The following DLGAP4 variants were observed in gnomAD, a reference collection of about 807,000 sequenced individuals.
DLGAP4 encodes the protein disks large-associated protein 4.
DLGAP4 carries 18 observed loss-of-function variants against 86.9 expected under a neutral mutation model. The observed-to-expected ratio is 0.21, with a 90% CI of 0.14 to 0.31. The LOEUF (loss-of-function observed/expected upper bound fraction) is 0.31, where lower values mean the gene tolerates loss of function less well. Among genes scored for constraint, DLGAP4 ranks in the 10% least tolerant of loss-of-function variants. The pLI is 1.00. For synonymous variants in DLGAP4, 548 were observed against 574.3 expected (o/e 0.95, Z 0.65); for missense variants, 1,085 against 1,362.6 (o/e 0.80, Z 3.21).
In DLGAP4 at chr20:36,431,901, A is replaced by C; in HGVS notation, c.184A>C (p.Asn62His). Residue 62 changes from asparagine to histidine, a missense_variant, in exon 3 of 13, where the codon AAC becomes CAC. By Grantham distance (68) the Asn-to-His change is moderately conservative. This residue lies in a region of DLGAP4 where 1,082 missense variants were observed against 1,344.1 expected (regional missense o/e 0.81). Coordinates refer to ENST00000339266, the MANE Select transcript of DLGAP4 (RefSeq NM_001365621.2). This position sits in a 1 kb window ranked among gnomAD's most constrained non-coding sequence, Gnocchi z 5.1. ...AGGAGATGGCCTCTTTCCCCTCAAC[A>C]ACCAGCTGCCCCCGCCCAGCAGCAC... ...LPGDGLFPLN[N>H]QLPPPSSTFP... 1.2e-6 allele frequency: 2 copies of C among 1,613,764 alleles called. No homozygotes were observed. Among genetic ancestry groups the C allele is most frequent in the Non-Finnish European group, 1.7e-6 (2 of 1,179,866 alleles).
rs896143156 is a variant in DLGAP4, at chr20:36,461,840, G to A, written c.1648+14903G>A. The A allele has an allele frequency of 8.2e-6, 8 of 976,066 alleles. No homozygotes were observed. The Admixed American group carries it at 5.5e-4, about 67-fold the overall frequency. The allele number at this position is 976,066 out of a possible 1,614,324, so 60.5% of individuals were successfully genotyped here. A position where few individuals can be genotyped will look rare whatever the true frequency, so the allele number is the denominator to read the frequency against. On this transcript the variant is annotated intron_variant, in intron 7 of 12. Coordinates refer to ENST00000339266, the MANE Select transcript of DLGAP4 (RefSeq NM_001365621.2). Reference sequence around the variant, plus strand: ...CGCTCCGCCCGCTTTGTCTCTCCCCGGCTCGCTGTCTCTTTGTCTCTGCCC... The same window carrying A: ...CGCTCCGCCCGCTTTGTCTCTCCCCAGCTCGCTGTCTCTTTGTCTCTGCCC...
At chr20:36,385,664 C>T (rs183426522) in intron 2 of DLGAP4, among the ~76,000 whole-genome samples, 1 of 152,358 alleles carries the variant, frequency 6.6e-6, no homozygotes, top group Non-Finnish European at 1.5e-5. Flanking sequence ...CCAGCTCTGG[C>T]TGTTCCTCCA....
chr20:36,496,215 A>T (rs1600651984), intron 7 of DLGAP4, among the ~76,000 whole-genome samples: 1 of 152,152 alleles, frequency 6.6e-6, no homozygotes, highest in African/African-American at 2.4e-5. Context: ...GCATCCAAGC[A>T]GAGGGAATAG....
intron 7 of DLGAP4, among the ~76,000 whole-genome samples, chr20:36,460,827 C>T (rs1197759699): frequency 1.3e-5 from 2 of 152,158 alleles, no homozygotes; most frequent in Admixed American, 1.3e-4. Flanking sequence ...TTTTATTTTA[C>T]GGGGGAGGAA....
chr20:36,526,683 T>C, intron 12 of DLGAP4, 130 bp from the exon 13 acceptor site: 2 of 792,566 alleles, frequency 2.5e-6, no homozygotes, highest in Admixed American at 2.9e-5. Flanking sequence ...ATTCCAAGTG[T>C]GTGTTGCTTG....
intron 7 of DLGAP4, among the ~76,000 whole-genome samples, chr20:36,486,049 A>T (rs866085703): frequency 1.3e-5 from 2 of 152,124 alleles, no homozygotes; most frequent in African/African-American, 4.8e-5. Flanking sequence ...ATTAGATCCA[A>T]ACTAAAAGAC....
At chr20:36,395,081 A>G (rs2031906922) in intron 2 of DLGAP4, among the ~76,000 whole-genome samples, 2 of 151,750 alleles carry the variant, frequency 1.3e-5, no homozygotes, top group South Asian at 4.2e-4. Flanking sequence ...ACACACACAC[A>G]CCAGCTGCAC....
chr20:36,439,049 C>G (rs7353572), intron 4 of DLGAP4, among the ~76,000 whole-genome samples: 1 of 152,062 alleles, frequency 6.6e-6, no homozygotes, highest in Non-Finnish European at 1.5e-5. Flanking sequence ...GGGCTTAAGC[C>G]TAGAATTCAA....
At chr20:36,323,912 C>T (rs1020314935) in intron 1 of DLGAP4, among the ~76,000 whole-genome samples, 1 of 152,248 alleles carries the variant, frequency 6.6e-6, no homozygotes, top group Non-Finnish European at 1.5e-5. Context: ...CTGCTGCTCA[C>T]CTCCTGCTCT....
chr20:36,480,240 T>C (rs2035125878), intron 7 of DLGAP4, among the ~76,000 whole-genome samples: 1 of 152,192 alleles, frequency 6.6e-6, no homozygotes, highest in African/African-American at 2.4e-5. Flanking sequence ...GATGGATTTA[T>C]CATCTCAGAT....
chr20:36,490,844 C>T (rs1364434848), intron 7 of DLGAP4, among the ~76,000 whole-genome samples: 1 of 152,136 alleles, frequency 6.6e-6, no homozygotes, highest in Non-Finnish European at 1.5e-5. Flanking sequence ...AATGGAGTCA[C>T]AGCCACTCCT....
At chr20:36,480,377 T>C (rs1344413381) in intron 7 of DLGAP4, among the ~76,000 whole-genome samples, 1 of 152,170 alleles carries the variant, frequency 6.6e-6, no homozygotes, top group Non-Finnish European at 1.5e-5. Flanking sequence ...ATTCTCATTT[T>C]GTATTTCGCT....
At chr20:36,511,545 G>A (rs1233148731) in intron 10 of DLGAP4, among the ~76,000 whole-genome samples, 1 of 151,898 alleles carries the variant, frequency 6.6e-6, no homozygotes, top group Non-Finnish European at 1.5e-5. Flanking sequence ...GTACTTTCTA[G>A]TAGTTTTTGT....
At chr20:36,423,954 G>A (rs940646688) in intron 2 of DLGAP4, among the ~76,000 whole-genome samples, 1 of 151,734 alleles carries the variant, frequency 6.6e-6, no homozygotes, top group East Asian at 1.9e-4. Context: ...AATGAGACTC[G>A]GTCTAAAAAA....
chr20:36,464,937 A>G (rs1031566598), intron 7 of DLGAP4, among the ~76,000 whole-genome samples: 1 of 152,008 alleles, frequency 6.6e-6, no homozygotes, highest in Non-Finnish European at 1.5e-5. Context: ...AGTCTCCATC[A>G]TTCACTGCGT....
intron 1 of DLGAP4, among the ~76,000 whole-genome samples, chr20:36,352,893 G>A (rs2030204781): frequency 6.6e-6 from 1 of 152,154 alleles, no homozygotes; most frequent in Admixed American, 6.5e-5. Flanking sequence ...GAGTTATAAA[G>A]ACATAAAGAA....
At chr20:36,488,450 C>T (rs955265941) in intron 7 of DLGAP4, among the ~76,000 whole-genome samples, 2 of 152,252 alleles carry the variant, frequency 1.3e-5, no homozygotes, top group African/African-American at 4.8e-5. Context: ...GTTATGTTCA[C>T]AGAGTCATAG....
intron 7 of DLGAP4, among the ~76,000 whole-genome samples, chr20:36,459,980 A>C: frequency 6.6e-6 from 1 of 152,194 alleles, no homozygotes; most frequent in East Asian, 1.9e-4. Context: ...AGTTTGAAAA[A>C]TCTTGCCTTG....
At chr20:36,397,396 C>A (rs2032031673) in intron 2 of DLGAP4, among the ~76,000 whole-genome samples, 1 of 152,212 alleles carries the variant, frequency 6.6e-6, no homozygotes, top group South Asian at 2.1e-4. Context: ...CCTTCCGTGT[C>A]ACGCCCTGGC....
Sources: allele counts gnomAD v4.1 joint callset (sites outside exome capture counted in the v4.1 genomes callset), GRCh38; gene constraint gnomAD v4.1.1; regional missense constraint gnomAD v4.1.1; non-coding constraint Gnocchi (gnomAD v3.1); transcripts MANE v1.5; gene names NCBI Gene and HGNC (gene_info 2026-07-23, HGNC 2026-07-21).